TTC17: variants seen among roughly 807,000 people sequenced by gnomAD.
TTC17 encodes the protein tetratricopeptide repeat domain 17, also known as tetratricopeptide repeat protein 17.
A neutral mutation model predicts 143.8 loss-of-function variants in TTC17; 58 were observed. That is an observed-to-expected ratio of 0.40 (90% CI 0.33 to 0.50). The LOEUF is 0.50. Ranked by LOEUF, TTC17 falls within the 20% of genes least tolerant of loss-of-function variation. TTC17 has a pLI of 0.49. For synonymous variants in TTC17, 501 were observed against 497.8 expected (o/e 1.01, Z -0.09); for missense variants, 1,273 against 1,392.5 (o/e 0.91, Z 1.37).
intron 16 of TTC17, among the ~76,000 whole-genome samples, chr11:43,429,738 G>T (rs1225020832): frequency 6.6e-6 from 1 of 152,228 alleles, no homozygotes; most frequent in East Asian, 1.9e-4. Context: ...GTGCAGTTGG[G>T]TAGAAAGGTA....
chr11:43,426,209 C>CCCCT (rs1458760732), intron 16 of TTC17, among the ~76,000 whole-genome samples: 1 of 152,202 alleles, frequency 6.6e-6, no homozygotes, highest in Non-Finnish European at 1.5e-5. Flanking sequence ...CAATTCACCA[C>CCCCT]CCCTCTCACA....
intron 21 of TTC17, among the ~76,000 whole-genome samples, chr11:43,481,561 C>G (rs1948287309): frequency 6.6e-6 from 1 of 152,094 alleles, no homozygotes; most frequent in Non-Finnish European, 1.5e-5. Flanking sequence ...TTTAATAGAT[C>G]TAGGGCTATT....
At chr11:43,422,824 C>G (rs930937230) in intron 16 of TTC17, among the ~76,000 whole-genome samples, 2 of 152,072 alleles carry the variant, frequency 1.3e-5, no homozygotes. Flanking sequence ...GCAAGCAACT[C>G]TTAAGTTTTG....
chr11:43,447,916 C>A, intron 18 of TTC17, 86 bp from the exon 19 acceptor site: 1 of 1,521,258 alleles, frequency 6.6e-7, no homozygotes, highest in Non-Finnish European at 8.9e-7. Context: ...ATACACCAAT[C>A]CAGGTGAAGT....
chr11:43,413,018 ACACACACAC>A (rs1946689847), intron 15 of TTC17, among the ~76,000 whole-genome samples: 5 of 151,354 alleles, frequency 3.3e-5, no homozygotes, highest in Non-Finnish European at 5.9e-5. Flanking sequence ...ACACACACAC[ACACACACAC>A]AAATGGGGGC....
chr11:43,492,028 C>A lies in TTC17; in HGVS notation c.3159C>A (p.Pro1053=), dbSNP rs1564988095. The part of the protein sequence containing the change: ...HYAPHQMKDV[P]LISLANILHN... ...TCTCCTTCTTCTCCCAGGATGTGCC[C>A]CTGATTAGCCTGGCCAACATCTTGC... Residue 1053 remains proline (P), a synonymous_variant, in exon 23 of 24, where the codon CCC becomes CCA. Coordinates refer to ENST00000039989, the MANE Select transcript of TTC17 (RefSeq NM_018259.6). 1 of 1,613,728 alleles carries A rather than the reference C, an allele frequency of 6.2e-7. No individual in the cohort carries two copies. Among genetic ancestry groups the A allele is most frequent in the Non-Finnish European group, 8.5e-7 (1 of 1,179,852 alleles).
chr11:43,450,777 A>G (rs913008157), intron 20 of TTC17, among the ~76,000 whole-genome samples: 1 of 152,222 alleles, frequency 6.6e-6, no homozygotes, highest in African/African-American at 2.4e-5. Flanking sequence ...AACATAGGTA[A>G]CAGTATACAG....
intron 21 of TTC17, among the ~76,000 whole-genome samples, chr11:43,464,734 T>C (rs1250745740): frequency 2.7e-5 from 4 of 148,136 alleles, no homozygotes; most frequent in Non-Finnish European, 6.0e-5. Flanking sequence ...AAATGCAAGC[T>C]TTTTTTTTTA....
At chr11:43,402,424 AT>A (rs1565147299) in intron 10 of TTC17, among the ~76,000 whole-genome samples, 1 of 152,164 alleles carries the variant, frequency 6.6e-6, no homozygotes, top group African/African-American at 2.4e-5. Flanking sequence ...CTGTCGCTGT[AT>A]ATACACACGT....
At chr11:43,430,728 C>T (rs1947137875) in intron 16 of TTC17, among the ~76,000 whole-genome samples, 1 of 151,524 alleles carries the variant, frequency 6.6e-6, no homozygotes, top group South Asian at 2.1e-4. Flanking sequence ...CACACACACA[C>T]ACACACACAC....
At position 43,414,581 on chromosome 11, in the gene TTC17, T is replaced by G; in HGVS notation, c.2065-9T>G. The G allele has an allele frequency of 6.3e-7, 1 of 1,582,272 alleles. No individual in the cohort carries two copies. Among genetic ancestry groups the G allele is most frequent in the Non-Finnish European group, 8.6e-7 (1 of 1,167,088 alleles). ...CATTAACATTTTGCCGATTTTTTTTTCTTTTCAGCCTCTGACCTTTTTGAG... is the reference window on the plus strand; with the variant it reads ...CATTAACATTTTGCCGATTTTTTTTGCTTTTCAGCCTCTGACCTTTTTGAG... On this transcript the variant is annotated splice_polypyrimidine_tract_variant and intron_variant, in intron 15 of 23. Transcript: ENST00000039989.
intron 16 of TTC17, among the ~76,000 whole-genome samples, chr11:43,428,652 T>C (rs931075511): frequency 6.6e-6 from 1 of 152,222 alleles, no homozygotes; most frequent in Non-Finnish European, 1.5e-5. Context: ...TGCAGGGGCA[T>C]ATAGGTCTGC....
At chr11:43,384,413 TG>T (rs1248729887) in intron 2 of TTC17, among the ~76,000 whole-genome samples, 1 of 152,192 alleles carries the variant, frequency 6.6e-6, no homozygotes, top group Non-Finnish European at 1.5e-5. Flanking sequence ...CCCAGCACTC[TG>T]GGGGGTCGAG....
At chr11:43,478,275 G>A (rs1948221571) in intron 21 of TTC17, among the ~76,000 whole-genome samples, 1 of 152,064 alleles carries the variant, frequency 6.6e-6, no homozygotes, top group African/African-American at 2.4e-5. Flanking sequence ...AAAATGTATG[G>A]CGCTCATTTA....
intron 21 of TTC17, chr11:43,486,419 T>G: frequency 2.2e-6 from 1 of 453,518 alleles, no homozygotes; most frequent in Middle Eastern, 3.3e-4. Flanking sequence ...GTTTCAGGCA[T>G]CCACCGCGGG....
At chr11:43,459,310 T>G (rs1026563031) in intron 21 of TTC17, among the ~76,000 whole-genome samples, 1 of 152,220 alleles carries the variant, frequency 6.6e-6, no homozygotes, top group African/African-American at 2.4e-5. Context: ...AACATTTGAT[T>G]AGTCTACTTT....
Position 43,451,126 on chromosome 11 carries a change from C to T in TTC17, c.2947-56C>T, listed in dbSNP as rs978403174. 1.5e-5 allele frequency: 23 copies of T among 1,554,836 alleles called. No homozygotes were observed. In the African/African-American group the frequency reaches 3.0e-4, roughly 20 times the overall value. ...GTGCCCAACTCAGCATTAGCAGTATCATCTAGATCCTGCATCGTTTTCATT... is the reference window on the plus strand; with the variant it reads ...GTGCCCAACTCAGCATTAGCAGTATTATCTAGATCCTGCATCGTTTTCATT... On this transcript the variant is annotated intron_variant, in intron 20 of 23. Transcript: ENST00000039989.
At chr11:43,397,714 A>G (rs374146553) in intron 7 of TTC17, among the ~76,000 whole-genome samples, 65 of 152,210 alleles carry the variant, frequency 4.3e-4, no homozygotes, top group Non-Finnish European at 8.5e-4. Context: ...TTAAACTTCT[A>G]CAGGGTACAC....
At chr11:43,493,097 T>C (rs1468226103) in intron 23 of TTC17, among the ~76,000 whole-genome samples, 1 of 152,218 alleles carries the variant, frequency 6.6e-6, no homozygotes, top group East Asian at 1.9e-4. Context: ...ATGTGAAGTT[T>C]GCTACTATGA....
Sources: allele counts gnomAD v4.1 joint callset (sites outside exome capture counted in the v4.1 genomes callset), GRCh38; gene constraint gnomAD v4.1.1; transcripts MANE v1.5; gene names NCBI Gene and HGNC (gene_info 2026-07-23, HGNC 2026-07-21).